Variants in MPPED2 observed in about 807,000 individuals in gnomAD.
The protein encoded by MPPED2 is metallophosphoesterase domain containing 2, also known as metallophosphoesterase MPPED2.
Under a neutral mutation model 33.0 loss-of-function variants are expected in MPPED2, and 5 were observed. The observed-to-expected ratio is 0.15, with a 90% CI of 0.08 to 0.32. The LOEUF (loss-of-function observed/expected upper bound fraction) is 0.32, where lower values mean the gene tolerates loss of function less well. MPPED2 is among the 10% of genes least tolerant of loss of function. The pLI is 1.00. For synonymous variants in MPPED2, 136 were observed against 141.9 expected (o/e 0.96, Z 0.29); for missense variants, 275 against 372.1 (o/e 0.74, Z 2.15).
chr11:30,491,153 A>G (rs1283675980), intron 4 of MPPED2, among the ~76,000 whole-genome samples: 1 of 152,200 alleles, frequency 6.6e-6, no homozygotes, highest in African/African-American at 2.4e-5. Context: ...TTCCGAGGGG[A>G]GAAAAGTGGT....
At chr11:30,552,924 C>A (rs571567340) in intron 2 of MPPED2, among the ~76,000 whole-genome samples, 13 of 152,052 alleles carry the variant, frequency 8.5e-5, no homozygotes, top group Non-Finnish European at 1.9e-4. Context: ...GCCAACAGAC[C>A]CTGAGTCCAG....
chr11:30,468,737 C>T (rs778326539), intron 4 of MPPED2, among the ~76,000 whole-genome samples: 15 of 152,108 alleles, frequency 9.9e-5, no homozygotes, highest in Non-Finnish European at 4.4e-5. Flanking sequence ...ACCATGGCTA[C>T]CTCATGAGGG....
At chr11:30,573,090 C>G (rs549017270) in intron 2 of MPPED2, among the ~76,000 whole-genome samples, 1 of 152,214 alleles carries the variant, frequency 6.6e-6, no homozygotes, top group South Asian at 2.1e-4. Flanking sequence ...CTTTTAGCTT[C>G]CCCAAATGGA....
chr11:30,395,675 A>G (rs1947831786), intron 6 of MPPED2, among the ~76,000 whole-genome samples: 1 of 152,204 alleles, frequency 6.6e-6, no homozygotes, highest in African/African-American at 2.4e-5. Context: ...TACAGTGGTG[A>G]GTTAATAATC....
chr11:30,444,601 G>A (rs1288687507), intron 4 of MPPED2, among the ~76,000 whole-genome samples: 2 of 151,926 alleles, frequency 1.3e-5, no homozygotes, highest in African/African-American at 4.8e-5. Flanking sequence ...TTCAAATAAT[G>A]TTACAAGTTA....
chr11:30,582,493 C>A (rs190905875), intron 1 of MPPED2, among the ~76,000 whole-genome samples: 1 of 152,206 alleles, frequency 6.6e-6, no homozygotes, highest in Non-Finnish European at 1.5e-5. Flanking sequence ...ATGTCTAGAC[C>A]GCTGTGACCT....
intron 4 of MPPED2, among the ~76,000 whole-genome samples, chr11:30,462,533 C>T (rs1950550493): frequency 6.6e-6 from 1 of 152,114 alleles, no homozygotes; most frequent in African/African-American, 2.4e-5. Context: ...GACAATTAGT[C>T]TTTTTAAAAT....
rs538757542 is a variant in MPPED2, at chr11:30,384,888, C to T, written c.*4001G>A. 2.0e-5 allele frequency: 3 copies of T among 152,354 alleles called. No individual in the cohort carries two copies. In the East Asian group the frequency reaches 5.8e-4, roughly 29 times the overall value. The allele number at this position is 152,354 out of a possible 1,614,324, so 9.4% of individuals were successfully genotyped here. On this transcript the variant is annotated 3_prime_UTR_variant, in exon 7 of 7. Transcript: ENST00000448418. ...GAAGCAGAGCCAGAACTAAATCTCACCTTTCTTGATTGCTAATTCCATATG... is the reference window on the plus strand; with the variant it reads ...GAAGCAGAGCCAGAACTAAATCTCATCTTTCTTGATTGCTAATTCCATATG...
intron 2 of MPPED2, among the ~76,000 whole-genome samples, chr11:30,558,864 T>A (rs1259905861): frequency 6.6e-6 from 1 of 152,096 alleles, no homozygotes; most frequent in Non-Finnish European, 1.5e-5. Context: ...CCAATTCTTT[T>A]CAAATAGTCC....
chr11:30,535,170 G>C (rs996846711), intron 3 of MPPED2, among the ~76,000 whole-genome samples: 1 of 152,074 alleles, frequency 6.6e-6, no homozygotes, highest in African/African-American at 2.4e-5. Flanking sequence ...TTAGTTTGAT[G>C]GAAAACAAAG....
At chr11:30,488,987 C>T (rs993831504) in intron 4 of MPPED2, among the ~76,000 whole-genome samples, 1 of 151,982 alleles carries the variant, frequency 6.6e-6, no homozygotes, top group African/African-American at 2.4e-5. Context: ...TTCTTTAGTG[C>T]CAAAGGATTT....
intron 2 of MPPED2, among the ~76,000 whole-genome samples, chr11:30,573,849 G>T (rs1956808563): frequency 6.6e-6 from 1 of 151,886 alleles, no homozygotes. Context: ...TTAACAAAAA[G>T]CTTAAAAAGC....
At chr11:30,584,644 T>C (rs1957371334) in intron 1 of MPPED2, 3 of 152,288 alleles carry the variant, frequency 2.0e-5, no homozygotes, top group Admixed American at 2.0e-4. Flanking sequence ...CACCACGCCA[T>C]CCTCGGTCGG....
Position 30,411,272 on chromosome 11 carries a change from G to A in MPPED2, c.*196C>T, listed in dbSNP as rs1948091300. 2 of 1,229,658 alleles carry A rather than the reference G, an allele frequency of 1.6e-6. No homozygotes were observed. The highest frequency in any genetic ancestry group is 2.0e-6 in the Non-Finnish European group (2 of 980,356). 76.2% of individuals were successfully genotyped at this position (1,229,658 alleles called of 1,614,324 possible). A position where few individuals can be genotyped will look rare whatever the true frequency, so the allele number is the denominator to read the frequency against. On this transcript the variant is annotated 3_prime_UTR_variant, in exon 7 of 7. Transcript: ENST00000358117. ...AGAAGTCATTTTACAAATTCACAATGTTCCTCTGATTTCAAATGGATGCCC... is the reference window on the plus strand; with the variant it reads ...AGAAGTCATTTTACAAATTCACAATATTCCTCTGATTTCAAATGGATGCCC...
intron 4 of MPPED2, among the ~76,000 whole-genome samples, chr11:30,417,973 C>G (rs181143333): frequency 4.5e-4 from 68 of 152,250 alleles, no homozygotes; most frequent in African/African-American, 1.6e-3. Flanking sequence ...CATTTCCACC[C>G]TTCCTGTAGC....
chr11:30,571,429 CAG>C (rs1956685882), intron 2 of MPPED2, among the ~76,000 whole-genome samples: 1 of 152,062 alleles, frequency 6.6e-6, no homozygotes, highest in South Asian at 2.1e-4. Flanking sequence ...TTCCTCTTTG[CAG>C]AGTTAGTGTT....
rs748295637 is a variant in MPPED2 at position 30,503,156 on chromosome 11, C to G, written c.311-7635G>C. ...CTGGTCTCATGATAGTAAGTTCTCA[C>G]GAGATTTGATGGTTTTATAAGGGGC... On this transcript the variant is annotated intron_variant, in intron 3 of 6. Coordinates refer to ENST00000358117, the MANE Select transcript of MPPED2 (RefSeq NM_001584.3). Among the ~76,000 whole-genome samples, 64 of 152,216 alleles carry G rather than the reference C, an allele frequency of 4.2e-4. 1 individual carries two copies. The highest frequency in any genetic ancestry group is 8.2e-4 in the Non-Finnish European group (56 of 67,998).
At chr11:30,467,107 G>A (rs761680315) in intron 4 of MPPED2, among the ~76,000 whole-genome samples, 55 of 152,162 alleles carry the variant, frequency 3.6e-4, no homozygotes, top group Non-Finnish European at 3.5e-4. Flanking sequence ...GTGTTTGTAT[G>A]TGATGGTTTA....
chr11:30,399,874 C>CT (rs796525029), intron 6 of MPPED2, among the ~76,000 whole-genome samples: 1 of 152,066 alleles, frequency 6.6e-6, no homozygotes, highest in Non-Finnish European at 1.5e-5. Flanking sequence ...TCCATATATA[C>CT]TTTTTAAAAA....
Sources: allele counts gnomAD v4.1 joint callset (sites outside exome capture counted in the v4.1 genomes callset), GRCh38; gene constraint gnomAD v4.1.1; transcripts MANE v1.5; gene names NCBI Gene and HGNC (gene_info 2026-07-23, HGNC 2026-07-21).